C2CD5: variants seen among roughly 807,000 people sequenced by gnomAD.
C2CD5 encodes the protein C2 domain-containing protein 5.
C2CD5 carries 109 observed loss-of-function variants against 130.3 expected under a neutral mutation model. The ratio of observed to expected loss-of-function variants is 0.84; its 90% CI spans 0.72 to 0.98. C2CD5 has a LOEUF of 0.98. Ranked by LOEUF, C2CD5 falls within the 50% of genes least tolerant of loss-of-function variation. C2CD5 has a pLI of 0.00. For synonymous variants in C2CD5, 454 were observed against 429.2 expected (o/e 1.06, Z -0.71); for missense variants, 996 against 1,261.8 (o/e 0.79, Z 3.19).
chr12:22,513,662 T>C (rs1473797947), intron 8 of C2CD5, among the ~76,000 whole-genome samples: 1 of 152,136 alleles, frequency 6.6e-6, no homozygotes. Flanking sequence ...CTTTGCATAA[T>C]ATTCCATTTT....
intron 8 of C2CD5, 59 bp downstream of exon 8, chr12:22,517,927 A>G: frequency 7.1e-7 from 1 of 1,409,188 alleles, no homozygotes; most frequent in Admixed American, 2.2e-5. Flanking sequence ...GAAAGCTAAT[A>G]AGAAATAGAA....
At chr12:22,483,339 T>C (rs1305586843) in intron 13 of C2CD5, among the ~76,000 whole-genome samples, 1 of 152,056 alleles carries the variant, frequency 6.6e-6, no homozygotes, top group Non-Finnish European at 1.5e-5. Context: ...GAAGAAAATG[T>C]TAGTCATTAA....
At chr12:22,452,839 G>A (rs879847576) in intron 26 of C2CD5, among the ~76,000 whole-genome samples, 4 of 152,186 alleles carry the variant, frequency 2.6e-5, no homozygotes, top group Admixed American at 2.0e-4. Context: ...AGCTGAGGTG[G>A]GAAGATCGCT....
chr12:22,519,900 T>C (rs1950113341), intron 7 of C2CD5, among the ~76,000 whole-genome samples: 1 of 152,066 alleles, frequency 6.6e-6, no homozygotes, highest in South Asian at 2.1e-4. Flanking sequence ...TTTAAAGACA[T>C]CTTCATAAAA....
intron 22 of C2CD5, among the ~76,000 whole-genome samples, chr12:22,465,424 GTA>G (rs1267436157): frequency 6.6e-6 from 1 of 152,070 alleles, no homozygotes; most frequent in African/African-American, 2.4e-5. Context: ...ATTTAAAGTA[GTA>G]TATGATTTAT....
chr12:22,455,062 T>C (rs1251391890), intron 25 of C2CD5, among the ~76,000 whole-genome samples: 2 of 152,136 alleles, frequency 1.3e-5, no homozygotes, highest in Non-Finnish European at 2.9e-5. Flanking sequence ...AAACTGGAAG[T>C]GAAGGGGAAA....
intron 4 of C2CD5, among the ~76,000 whole-genome samples, chr12:22,527,333 T>A (rs867084005): frequency 0.072 from 10,161 of 140,218 alleles, 337 homozygotes; most frequent in African/African-American, 0.11. Flanking sequence ...TATATATATT[T>A]TTTTTTTTTT....
At chr12:22,464,955 T>C (rs1941805854) in intron 22 of C2CD5, among the ~76,000 whole-genome samples, 1 of 152,066 alleles carries the variant, frequency 6.6e-6, no homozygotes, top group South Asian at 2.1e-4. Flanking sequence ...ATTCAAACAG[T>C]TAAACTATTT....
chr12:22,543,596 GTGTGTGTGCC>G (rs1467714557), intron 2 of C2CD5, among the ~76,000 whole-genome samples: 2 of 152,216 alleles, frequency 1.3e-5, no homozygotes, highest in Non-Finnish European at 2.9e-5. Flanking sequence ...TTCCAAGGGT[GTGTGTGTGCC>G]TGTGTGTGTG....
At chr12:22,483,141 CA>C (rs1944967165) in intron 13 of C2CD5, among the ~76,000 whole-genome samples, 1 of 151,994 alleles carries the variant, frequency 6.6e-6, no homozygotes, top group Non-Finnish European at 1.5e-5. Context: ...CAAAGTAGCT[CA>C]TGTACCCTAT....
intron 2 of C2CD5, among the ~76,000 whole-genome samples, chr12:22,542,308 C>T (rs11046462): frequency 6.6e-6 from 1 of 152,116 alleles, no homozygotes; most frequent in African/African-American, 2.4e-5. Flanking sequence ...GAGGCCGAAG[C>T]GGGAGAGGCA....
intron 10 of C2CD5, among the ~76,000 whole-genome samples, chr12:22,500,622 G>A (rs774761116): frequency 1.3e-5 from 2 of 152,144 alleles, no homozygotes; most frequent in African/African-American, 2.4e-5. Context: ...CATGAAGGCA[G>A]GGGGACTGGC....
At position 22,484,665 on chromosome 12, in the gene C2CD5, A is replaced by C. The variant is rs374306124; in HGVS notation, c.1550+32T>G. 2.3e-6 allele frequency: 3 copies of C among 1,301,414 alleles called. No homozygotes were observed. In the African/African-American group the frequency reaches 4.6e-5, roughly 20 times the overall value. The allele number at this position is 1,301,414 out of a possible 1,614,324, so 80.6% of individuals were successfully genotyped here. A position where few individuals can be genotyped will look rare whatever the true frequency, so the allele number is the denominator to read the frequency against. On this transcript the variant is annotated intron_variant, in intron 13 of 26. Coordinates refer to ENST00000446597, the MANE Select transcript of C2CD5 (RefSeq NM_001286176.2). ...ACGGCTCCCTATCTCATACTTTTTC[A>C]GGGACACCGAGTGTTGTTTTCACAA...
intron 9 of C2CD5, among the ~76,000 whole-genome samples, chr12:22,511,663 A>G (rs1013455331): frequency 6.6e-6 from 1 of 152,230 alleles, no homozygotes; most frequent in African/African-American, 2.4e-5. Flanking sequence ...ATCTGAAAAC[A>G]CAAATTTTAT....
At chr12:22,459,145 T>C (rs551789576) in intron 23 of C2CD5, among the ~76,000 whole-genome samples, 2 of 152,270 alleles carry the variant, frequency 1.3e-5, no homozygotes, top group South Asian at 2.1e-4. Flanking sequence ...ATGTCTGATT[T>C]TGGGCAACAA....
chr12:22,477,124 A>G (rs1016752522), intron 15 of C2CD5: 1 of 152,204 alleles, frequency 6.6e-6, no homozygotes, highest in African/African-American at 2.4e-5. Flanking sequence ...GATAAAATCC[A>G]TTTTAATAAA....
intron 12 of C2CD5, among the ~76,000 whole-genome samples, chr12:22,488,586 G>T (rs951407659): frequency 6.6e-6 from 1 of 152,040 alleles, no homozygotes; most frequent in African/African-American, 2.4e-5. Flanking sequence ...ACTTAAGAAT[G>T]AAATCTACAG....
Position 22,513,354 on chromosome 12 carries a change from T to C in C2CD5, c.978A>G (p.Lys326=). 7 of 1,611,620 alleles carry C rather than the reference T, an allele frequency of 4.3e-6. No homozygotes were observed. The highest frequency in any genetic ancestry group is 5.9e-6 in the Non-Finnish European group (7 of 1,177,870). ...KTGMGSGSAG[K]EGGPFKALLR... is the part of the protein sequence containing the mutation. Reference sequence around the variant, plus strand: ...AAAGAGCTTTAAAGGGCCCCCCTTCTTTTCCAGCACTACCACTTCCCATTC... The same window carrying C: ...AAAGAGCTTTAAAGGGCCCCCCTTCCTTTCCAGCACTACCACTTCCCATTC... The change falls in exon 9 of 27, where the codon AAA becomes AAG. Residue 326 remains lysine (K), a synonymous_variant. Coordinates refer to ENST00000446597, the MANE Select transcript of C2CD5 (RefSeq NM_001286176.2).
At chr12:22,452,516 T>C (rs1162783302) in intron 26 of C2CD5, among the ~76,000 whole-genome samples, 2 of 152,186 alleles carry the variant, frequency 1.3e-5, no homozygotes, top group African/African-American at 4.8e-5. Context: ...CTTTTAGATA[T>C]GCCCCAATTA....
Sources: gnomAD v4.1 joint callset for allele counts (sites outside exome capture counted in the v4.1 genomes callset) on GRCh38, gnomAD v4.1.1 for gene constraint, MANE v1.5 for transcripts, NCBI Gene and HGNC (gene_info 2026-07-23, HGNC 2026-07-21) for gene names.